The following SDC2 variants were observed in gnomAD, a reference collection of about 807,000 sequenced individuals.
SDC2 encodes the protein syndecan-2.
A neutral mutation model predicts 22.2 loss-of-function variants in SDC2; 13 were observed. That is an observed-to-expected ratio of 0.59 (90% CI 0.38 to 0.93). The LOEUF is 0.93. Ranked by LOEUF, SDC2 falls within the 40% of genes least tolerant of loss-of-function variation. The probability of loss-of-function intolerance (pLI) is 0.00; values close to 1 mark genes in which losing one functional copy is unlikely to be tolerated. For synonymous variants in SDC2, 94 were observed against 92.8 expected (o/e 1.01, Z -0.07); for missense variants, 235 against 246.8 (o/e 0.95, Z 0.32).
intron 1 of SDC2, among the ~76,000 whole-genome samples, chr8:96,561,429 T>C (rs1024708069): frequency 1.4e-4 from 21 of 152,202 alleles, no homozygotes; most frequent in African/African-American, 4.6e-4. Context: ...CAATACTCTT[T>C]GGGCTGCACA....
chr8:96,574,727 A>C (rs1457670215), intron 1 of SDC2, among the ~76,000 whole-genome samples: 4 of 152,198 alleles, frequency 2.6e-5, no homozygotes, highest in Non-Finnish European at 5.9e-5. Flanking sequence ...TTCTGTGAAA[A>C]AGACATTTAA....
intron 3 of SDC2, among the ~76,000 whole-genome samples, chr8:96,605,667 G>A (rs955548528): frequency 3.3e-5 from 5 of 152,212 alleles, no homozygotes; most frequent in Non-Finnish European, 5.9e-5. Context: ...GCAGGTTGAA[G>A]TTTAGGTAGT....
intron 1 of SDC2, among the ~76,000 whole-genome samples, chr8:96,533,701 C>A (rs1200697484): frequency 6.6e-6 from 1 of 152,192 alleles, no homozygotes; most frequent in African/African-American, 2.4e-5. Flanking sequence ...ACACAGAGTG[C>A]TGATTGGTGT....
chr8:96,576,368 G>GT (rs1481198542), intron 1 of SDC2, among the ~76,000 whole-genome samples: 793 of 16,488 alleles, frequency 0.048, 78 homozygotes, highest in African/African-American at 0.096. Context: ...TTGGTAGTTT[G>GT]TTTTTGTTTT....
At chr8:96,602,364 A>C (rs771038007) in intron 2 of SDC2, 31 bp from the exon 3 acceptor site, 1 of 1,610,480 alleles carries the variant, frequency 6.2e-7, no homozygotes, top group Non-Finnish European at 8.5e-7. Context: ...CATGATTGCC[A>C]TGCTCAGTTC....
At chr8:96,572,553 G>T (rs1280715314) in intron 1 of SDC2, among the ~76,000 whole-genome samples, 1 of 152,080 alleles carries the variant, frequency 6.6e-6, no homozygotes, top group African/African-American at 2.4e-5. Flanking sequence ...GGGATGGCTA[G>T]ATATTTCCTC....
At chr8:96,505,343 G>A (rs1010999237) in intron 1 of SDC2, among the ~76,000 whole-genome samples, 24 of 151,756 alleles carry the variant, frequency 1.6e-4, no homozygotes, top group African/African-American at 4.8e-4. Flanking sequence ...TCGCTCTGTC[G>A]CCCAGGCTGG....
intron 1 of SDC2, among the ~76,000 whole-genome samples, chr8:96,514,171 C>G (rs1813368967): frequency 6.6e-6 from 1 of 152,164 alleles, no homozygotes; most frequent in Non-Finnish European, 1.5e-5. Flanking sequence ...CCATTGAAAT[C>G]TAACATTACC....
At chr8:96,548,925 C>G (rs138998262) in intron 1 of SDC2, among the ~76,000 whole-genome samples, 175 of 152,250 alleles carry the variant, frequency 1.1e-3, no homozygotes, top group African/African-American at 4.0e-3. Flanking sequence ...ACAGAACTTC[C>G]TAGAGCATTC....
intron 1 of SDC2, among the ~76,000 whole-genome samples, chr8:96,521,181 T>C (rs1469221285): frequency 6.6e-6 from 1 of 152,226 alleles, no homozygotes; most frequent in Non-Finnish European, 1.5e-5. Context: ...ATGTTGTGTA[T>C]TTTTGAAAAC....
At chr8:96,526,661 G>GTTT (rs58922696) in intron 1 of SDC2, among the ~76,000 whole-genome samples, 3 of 146,318 alleles carry the variant, frequency 2.1e-5, no homozygotes, top group Non-Finnish European at 4.6e-5. Context: ...GAGGCCTTTG[G>GTTT]TTTTTTTTTT....
intron 1 of SDC2, among the ~76,000 whole-genome samples, chr8:96,526,350 C>T (rs529381589): frequency 1.6e-4 from 25 of 152,304 alleles, no homozygotes; most frequent in Non-Finnish European, 2.6e-4. Context: ...CTCCTTAAAG[C>T]GGTTGCAAAA....
chr8:96,583,512 AT>A (rs1814628783), intron 1 of SDC2, among the ~76,000 whole-genome samples: 1 of 150,668 alleles, frequency 6.6e-6, no homozygotes, highest in Non-Finnish European at 1.5e-5. Flanking sequence ...TCTATGACTT[AT>A]CGGTCTTGTG....
chr8:96,497,394 A>C (rs953745476), intron 1 of SDC2, among the ~76,000 whole-genome samples: 3 of 152,192 alleles, frequency 2.0e-5, no homozygotes, highest in Non-Finnish European at 4.4e-5. Flanking sequence ...ATCTTGAAAG[A>C]TCAGGCTTGC....
intron 2 of SDC2, among the ~76,000 whole-genome samples, chr8:96,601,683 A>G (rs1176502291): frequency 6.6e-6 from 1 of 150,830 alleles, no homozygotes; most frequent in Admixed American, 6.6e-5. Flanking sequence ...AACCCGGGAG[A>G]GAGGGCAAGG....
intron 1 of SDC2, among the ~76,000 whole-genome samples, chr8:96,589,809 A>G (rs1471173291): frequency 1.3e-5 from 2 of 152,336 alleles, no homozygotes; most frequent in East Asian, 1.9e-4. Context: ...GTCCCTCTGC[A>G]TCGAATGGCT....
intron 1 of SDC2, among the ~76,000 whole-genome samples, chr8:96,575,443 T>C (rs1814472170): frequency 6.6e-6 from 1 of 152,178 alleles, no homozygotes; most frequent in Non-Finnish European, 1.5e-5. Context: ...ATGTTTGTTT[T>C]AGTCAACTTT....
chr8:96,541,868 C>G (rs1355377098), intron 1 of SDC2, among the ~76,000 whole-genome samples: 1 of 152,010 alleles, frequency 6.6e-6, no homozygotes, highest in Non-Finnish European at 1.5e-5. Flanking sequence ...TGTATTTTAC[C>G]ACAGTTTTTA....
intron 1 of SDC2, among the ~76,000 whole-genome samples, chr8:96,561,320 T>C (rs768934668): frequency 1.3e-4 from 20 of 152,166 alleles, no homozygotes; most frequent in Admixed American, 9.8e-4. Flanking sequence ...AGCTATGAGA[T>C]TGTAAATACA....
Sources: gnomAD v4.1 joint callset for allele counts (sites outside exome capture counted in the v4.1 genomes callset) on GRCh38, gnomAD v4.1.1 for gene constraint, MANE v1.5 for transcripts, NCBI Gene and HGNC (gene_info 2026-07-23, HGNC 2026-07-21) for gene names.